LHPP: variants seen among roughly 807,000 people sequenced by gnomAD.
LHPP encodes phospholysine phosphohistidine inorganic pyrophosphate phosphatase.
A neutral mutation model predicts 30.3 loss-of-function variants in LHPP; 24 were observed. The observed-to-expected ratio is 0.79, with a 90% CI of 0.57 to 1.11. LHPP has a LOEUF of 1.11. Ranked by LOEUF, LHPP falls within the 50% of genes most tolerant of loss-of-function variation. The probability of loss-of-function intolerance (pLI) is 0.00; values close to 1 mark genes in which losing one functional copy is unlikely to be tolerated. For synonymous variants in LHPP, 150 were observed against 157.1 expected, an observed-to-expected ratio of 0.95 and a Z score of 0.34; for missense variants, 356 against 367.2, an observed-to-expected ratio of 0.97 and a Z score of 0.25.
rs1371999472 is a variant in LHPP at position 124,576,809 on chromosome 10, C to T, written c.717-36455C>T. Among the ~76,000 whole-genome samples the T allele has an allele frequency of 2.6e-5, 4 of 151,926 alleles. No individual in the cohort carries two copies. Among genetic ancestry groups the T allele is most frequent in the Non-Finnish European group, 5.9e-5 (4 of 67,966 alleles). On this transcript the variant is annotated intron_variant, in intron 6 of 6. Coordinates refer to ENST00000368842, the MANE Select transcript of LHPP (RefSeq NM_022126.4). This position sits in a 1 kb window ranked among gnomAD's most constrained non-coding sequence, Gnocchi z 4.2. ...TTGTGCAAAGCCCTGCCCTCGTGCA[C>T]CTGTCCTTCCGTAGCCCACGATACC...
Position 124,512,616 on chromosome 10 carries a change from CAAAAAAAAAA to C in LHPP, c.625-4550_625-4541del, listed in dbSNP as rs34808470. On this transcript the variant is annotated intron_variant, in intron 5 of 6. Transcript: ENST00000368842. ...TGGGTGACAGAGCGGGACTCCGTCT[CAAAAAAAAAA>C]AAAAAAAAAAAAAGTTTAGGTAATG... Among the ~76,000 whole-genome samples the C allele has an allele frequency of 1.5e-3, 80 of 54,184 alleles. No individual in the cohort carries two copies. In the South Asian group the frequency reaches 0.045, roughly 31 times the overall value. 35.5% of individuals were successfully genotyped at this position (54,184 alleles called of 152,430 possible).
At chr10:124,470,385 CCGAT>C (rs1400718471) in intron 1 of LHPP, among the ~76,000 whole-genome samples, 1 of 152,070 alleles carries the variant, frequency 6.6e-6, no homozygotes, top group African/African-American at 2.4e-5. Flanking sequence ...CAGGACCGCC[CCGAT>C]CGATCGGCCT....
intron 6 of LHPP, among the ~76,000 whole-genome samples, chr10:124,589,501 C>T (rs1258050016): frequency 6.6e-6 from 1 of 152,218 alleles, no homozygotes; most frequent in Non-Finnish European, 1.5e-5. Flanking sequence ...GGCAGGATTC[C>T]ACCCAGGAGA....
intron 3 of LHPP, among the ~76,000 whole-genome samples, chr10:124,493,474 G>A (rs1953597116): frequency 6.6e-6 from 1 of 152,190 alleles, no homozygotes; most frequent in Admixed American, 6.5e-5. Context: ...TCCTGGAAAT[G>A]GAGTGATTTA....
intron 5 of LHPP, among the ~76,000 whole-genome samples, chr10:124,514,253 G>C (rs1280737384): frequency 6.6e-6 from 1 of 152,202 alleles, no homozygotes; most frequent in Non-Finnish European, 1.5e-5. Context: ...GCAGAGGAGG[G>C]AGGTGAGCAG....
At chr10:124,566,322 A>G (rs891656245) in intron 6 of LHPP, among the ~76,000 whole-genome samples, 3 of 151,960 alleles carry the variant, frequency 2.0e-5, no homozygotes, top group Admixed American at 6.5e-5. Context: ...CCCCTGGGGG[A>G]CACACTCTGC....
intron 2 of LHPP, among the ~76,000 whole-genome samples, chr10:124,485,262 AAAG>A (rs1953288017): frequency 6.6e-6 from 1 of 152,102 alleles, no homozygotes; most frequent in African/African-American, 2.4e-5. Flanking sequence ...GTCTTCAAAG[AAAG>A]AAGATTTAAG....
chr10:124,553,983 C>A (rs966905350), intron 6 of LHPP: 4 of 985,398 alleles, frequency 4.1e-6, no homozygotes, highest in South Asian at 4.7e-5. Flanking sequence ...GGGAACTGGG[C>A]GCTCCTGTGG....
intron 6 of LHPP, chr10:124,526,137 C>G (rs1304487663): frequency 2.0e-6 from 2 of 980,622 alleles, no homozygotes; most frequent in Admixed American, 6.2e-5. Flanking sequence ...GCAGGGCCCT[C>G]TCTTCTCCCT....
chr10:124,526,546 G>A (rs1050273862), intron 6 of LHPP, among the ~76,000 whole-genome samples: 1 of 152,198 alleles, frequency 6.6e-6, no homozygotes, highest in African/African-American at 2.4e-5. Context: ...CTGAGCAGGG[G>A]CCGGGCCTCA....
chr10:124,483,272 G>A lies in LHPP; in HGVS notation c.126-867G>A, dbSNP rs577404252. 2.6e-5 allele frequency among the ~76,000 whole-genome samples: 4 copies of A among 152,246 alleles called. 1 individual carries two copies. In the South Asian group the frequency reaches 6.2e-4, roughly 24 times the overall value. ...AGTGATGAGAAGACAAACCTGTCTC[G>A]GGCCATCTGCCTTTGTACTTTTTGG... On this transcript the variant is annotated intron_variant, in intron 1 of 6. Transcript: ENST00000368842.
chr10:124,508,997 T>C (rs1295072030), intron 5 of LHPP, among the ~76,000 whole-genome samples: 1 of 152,142 alleles, frequency 6.6e-6, no homozygotes, highest in Admixed American at 6.5e-5. Context: ...TAGTACCTGT[T>C]GGGGTAGTTT....
intron 3 of LHPP, among the ~76,000 whole-genome samples, chr10:124,492,409 A>G (rs1953561737): frequency 1.3e-5 from 2 of 152,340 alleles, no homozygotes; most frequent in Non-Finnish European, 2.9e-5. Context: ...TGGCGAGTCC[A>G]AAATCTGCAG....
At position 124,517,300 on chromosome 10, in the gene LHPP, C is replaced by T; in HGVS notation, c.716+29C>T. ...AGTGCCAGCTGGAGTCATTTATTCACCTTCCTTCCAGGGGATGACCACATT... is the reference window on the plus strand; with the variant it reads ...AGTGCCAGCTGGAGTCATTTATTCATCTTCCTTCCAGGGGATGACCACATT... On this transcript the variant is annotated intron_variant, in intron 6 of 6. Transcript: ENST00000368842. The surrounding 1 kb of genome is among the most constrained non-coding windows in gnomAD (Gnocchi z 4.1). 7.0e-7 allele frequency: 1 copy of T among 1,428,708 alleles called. No individual in the cohort carries two copies. The highest frequency in any genetic ancestry group is 1.3e-5 in the South Asian group (1 of 77,876). 88.5% of individuals were successfully genotyped at this position (1,428,708 alleles called of 1,614,324 possible). A position where few individuals can be genotyped will look rare whatever the true frequency, so the allele number is the denominator to read the frequency against.
In LHPP at chr10:124,517,139, C is replaced by G. The variant is rs920233105; in HGVS notation, c.625-41C>G. On this transcript the variant is annotated intron_variant, in intron 5 of 6. Transcript: ENST00000368842. The surrounding 1 kb of genome is among the most constrained non-coding windows in gnomAD (Gnocchi z 4.1). ...GATGAAGGAGCCCGGGAATAAAACT[C>G]TCCTGACATCACTTCTGAGCGTATT... is the stretch of plus-strand genomic sequence containing the variant. 1.4e-6 allele frequency: 2 copies of G among 1,415,470 alleles called. No homozygotes were observed. The highest frequency in any genetic ancestry group is 2.4e-5 in the East Asian group (1 of 41,390). 87.7% of individuals were successfully genotyped at this position (1,415,470 alleles called of 1,614,324 possible). A position where few individuals can be genotyped will look rare whatever the true frequency, so the allele number is the denominator to read the frequency against.
intron 1 of LHPP, 135 bp downstream of exon 1, chr10:124,462,122 C>T (rs1294514272): frequency 3.0e-5 from 25 of 835,156 alleles, no homozygotes; most frequent in Non-Finnish European, 3.5e-5. Context: ...CTTCCCACCC[C>T]GGTGCGCGCA....
chr10:124,607,326 G>A (rs1245456765), intron 6 of LHPP, among the ~76,000 whole-genome samples: 1 of 152,234 alleles, frequency 6.6e-6, no homozygotes, highest in Non-Finnish European at 1.5e-5. Flanking sequence ...GCCAGGAACA[G>A]GTCCCCTCCT....
chr10:124,543,467 G>A (rs76192720), intron 6 of LHPP, among the ~76,000 whole-genome samples: 1,803 of 152,382 alleles, frequency 0.012, 43 homozygotes, highest in African/African-American at 0.04. Flanking sequence ...GGAAGGCGGA[G>A]GTCTGGGAGC....
intron 6 of LHPP, among the ~76,000 whole-genome samples, chr10:124,603,207 C>T (rs1949048619): frequency 6.6e-6 from 1 of 152,190 alleles, no homozygotes; most frequent in South Asian, 2.1e-4. Flanking sequence ...GCTCACCCCA[C>T]GTGGGAGGAA....
Sources: allele counts gnomAD v4.1 joint callset (sites outside exome capture counted in the v4.1 genomes callset), GRCh38; gene constraint gnomAD v4.1.1; non-coding constraint Gnocchi (gnomAD v3.1); transcripts MANE v1.5; gene names NCBI Gene and HGNC (gene_info 2026-07-23, HGNC 2026-07-21).